The following PITRM1 variants were observed in gnomAD, a reference collection of about 807,000 sequenced individuals.
The protein encoded by PITRM1 is presequence protease, mitochondrial.
A neutral mutation model predicts 129.9 loss-of-function variants in PITRM1; 100 were observed. The ratio of observed to expected loss-of-function variants is 0.77; its 90% CI spans 0.65 to 0.91. The LOEUF is 0.91. Ranked by LOEUF, PITRM1 falls within the 40% of genes least tolerant of loss-of-function variation. The probability of loss-of-function intolerance (pLI) is 0.00; values close to 1 mark genes in which losing one functional copy is unlikely to be tolerated. For synonymous variants in PITRM1, 591 were observed against 508.8 expected (o/e 1.16, Z -2.17); for missense variants, 1,471 against 1,318.3 (o/e 1.12, Z -1.79).
chr10:3,163,942 C>A, intron 6 of PITRM1, 57 bp from the exon 7 acceptor site: 14 of 1,168,342 alleles, frequency 1.2e-5, no homozygotes, highest in Admixed American at 4.8e-5. Flanking sequence ...ACACACGTTA[C>A]ATTACTTACA....
chr10:3,165,723 C>T (rs1842806080), intron 4 of PITRM1, among the ~76,000 whole-genome samples, 196 bp from the exon 5 acceptor site: 1 of 152,208 alleles, frequency 6.6e-6, no homozygotes, highest in Non-Finnish European at 1.5e-5. Context: ...CTTTCCCATC[C>T]CGTCTCAGGA....
chr10:3,139,251 G>C (rs1417938683), intron 24 of PITRM1, among the ~76,000 whole-genome samples: 1 of 151,988 alleles, frequency 6.6e-6, no homozygotes, highest in African/African-American at 2.4e-5. Flanking sequence ...CTTTCAACAT[G>C]TTCTCCCTCT....
At chr10:3,139,570 G>A (rs1839972990) in intron 24 of PITRM1, among the ~76,000 whole-genome samples, 1 of 152,182 alleles carries the variant, frequency 6.6e-6, no homozygotes, top group Admixed American at 6.5e-5. Context: ...CCCCATCCTT[G>A]TCTAGAAGCA....
chr10:3,143,069 G>C (rs1440653753), intron 23 of PITRM1: 2 of 264,040 alleles, frequency 7.6e-6, no homozygotes, highest in East Asian at 1.7e-4. Flanking sequence ...AAATTCATTC[G>C]ATTTTTACCT....
At chr10:3,157,240 C>A in intron 12 of PITRM1, 176 bp from the exon 13 acceptor site, 1 of 703,472 alleles carries the variant, frequency 1.4e-6, no homozygotes, top group East Asian at 3.0e-5. Context: ...TTACTTTAGC[C>A]CTGTTTTGTT....
intron 22 of PITRM1, chr10:3,143,762 T>G: frequency 1.5e-6 from 1 of 680,676 alleles, no homozygotes; most frequent in Non-Finnish European, 2.8e-6. Context: ...CTTGACGTGA[T>G]GCCTTAACGT....
intron 13 of PITRM1, among the ~76,000 whole-genome samples, 182 bp from the exon 14 acceptor site, chr10:3,155,911 A>T (rs1024475052): frequency 6.6e-6 from 1 of 152,206 alleles, no homozygotes; most frequent in African/African-American, 2.4e-5. Flanking sequence ...AAGCCTTATA[A>T]AATGCTTACC....
At position 3,144,317 on chromosome 10, in the gene PITRM1, G is replaced by C; in HGVS notation, c.2507C>G (p.Ser836Cys). 6.4e-7 allele frequency: 1 copy of C among 1,561,806 alleles called. No individual in the cohort carries two copies. The highest frequency in any genetic ancestry group is 1.2e-5 in the South Asian group (1 of 84,732). Residue 836 changes from serine (S) to cysteine (C), a missense_variant, in exon 22 of 27, where the codon TCC becomes TGC. By Grantham distance (112) the Ser-to-Cys change is moderately radical. Coordinates refer to ENST00000224949, the MANE Select transcript of PITRM1 (RefSeq NM_014889.4). ...SGGDAHVPHG[S>C]QVIRKLVMEP... ...CATGACCAGCTTCCTAATGACCTGG[G>C]AGCCATGGGGAACGTGGGCATCTCC...
intron 10 of PITRM1, among the ~76,000 whole-genome samples, chr10:3,158,691 G>T (rs1278113061): frequency 6.6e-6 from 1 of 152,222 alleles, no homozygotes; most frequent in Admixed American, 6.5e-5. Context: ...GGCTGGCACT[G>T]GATCCAGGAT....
intron 15 of PITRM1, 165 bp downstream of exon 15, chr10:3,151,082 A>G: frequency 1.7e-6 from 1 of 602,726 alleles, no homozygotes; most frequent in Non-Finnish European, 3.0e-6. Context: ...CCGAGAGTTA[A>G]GAACAAGGCA....
rs370074561 is a variant in PITRM1, at chr10:3,170,165, G to A, written c.98C>T (p.Ala33Val). 1.2e-6 allele frequency: 2 copies of A among 1,613,852 alleles called. No homozygotes were observed. The highest frequency in any genetic ancestry group is 1.7e-6 in the Non-Finnish European group (2 of 1,179,858). The change falls in exon 2 of 27, where the codon GCT becomes GTT. Residue 33 changes from alanine to valine, a missense_variant. Ala to Val is a moderately conservative substitution (Grantham distance 64). Transcript: ENST00000224949. Reference protein sequence around the residue: ...HRAWRWNSNRACERALQYKLG... With the variant: ...HRAWRWNSNRVCERALQYKLG... ...TTTATACTGCAGAGCCCTCTCACAA[G>A]CCCGGTTACTGTTCCATCGCCACGC...
rs372883237 is a variant in PITRM1, at chr10:3,138,265, C to G, written c.2990G>C (p.Ser997Thr). ...GCTCACGGCCAGGAGCTTGTCGTGGCTGACAGCAAAGAGCTGCTCTCTGTG... is the reference window on the plus strand; with the variant it reads ...GCTCACGGCCAGGAGCTTGTCGTGGGTGACAGCAAAGAGCTGCTCTCTGTG... ...QAHREQLFAV[S>T]HDKLLAVSDR... The change falls in exon 26 of 27, where the codon AGC becomes ACC. Residue 997 changes from serine (S) to threonine (T), a missense_variant. Transcript: ENST00000224949. 2 of 1,613,690 alleles carry G rather than the reference C, an allele frequency of 1.2e-6. No individual in the cohort carries two copies. The highest frequency in any genetic ancestry group is 2.7e-5 in the African/African-American group (2 of 74,940).
In PITRM1 at chr10:3,138,331, T is replaced by C; in HGVS notation, c.2924A>G (p.Asp975Gly). 6.2e-7 allele frequency: 1 copy of C among 1,611,918 alleles called. No individual in the cohort carries two copies. Among genetic ancestry groups the C allele is most frequent in the Non-Finnish European group, 8.5e-7 (1 of 1,178,150 alleles). Residue 975 changes from aspartate (D) to glycine (G), a missense_variant, in exon 26 of 27, where the codon GAC (aspartate) becomes GGC (glycine). Coordinates refer to ENST00000224949, the MANE Select transcript of PITRM1 (RefSeq NM_014889.4). The part of the protein sequence containing the change: ...APVAPSDKGM[D>G]HFLYGLSDEM... ...ATCCGAGAGGCCGTACAAGAAGTGG[T>C]CCATTCCTAGAAGACAATCCACAGG...
intron 7 of PITRM1, among the ~76,000 whole-genome samples, chr10:3,161,676 G>A (rs1461458522): frequency 6.6e-6 from 1 of 152,002 alleles, no homozygotes; most frequent in African/African-American, 2.4e-5. Context: ...GCATTAGGGA[G>A]GTGGGGGTGG....
chr10:3,152,938 G>GA (rs1841647581), intron 14 of PITRM1, among the ~76,000 whole-genome samples: 1 of 152,202 alleles, frequency 6.6e-6, no homozygotes, highest in African/African-American at 2.4e-5. Context: ...CCTGATGGTG[G>GA]AGGCTTTACC....
At position 3,139,014 on chromosome 10, in the gene PITRM1, C is replaced by T; in HGVS notation, c.2807G>A (p.Gly936Glu). The T allele has an allele frequency of 1.9e-6, 3 of 1,613,926 alleles. No individual in the cohort carries two copies. Among genetic ancestry groups the T allele is most frequent in the East Asian group, 2.2e-5 (1 of 44,892 alleles). The change falls in exon 25 of 27, where the codon GGG becomes GAG. Residue 936 changes from glycine (G) to glutamate (E), a missense_variant. Physicochemically the swap from Gly to Glu is moderately conservative, Grantham distance 98. Coordinates refer to ENST00000224949, the MANE Select transcript of PITRM1 (RefSeq NM_014889.4). The part of the protein sequence containing the change: ...PNTIETLQSF[G>E]KAVDWAKSGK... Reference sequence around the variant, plus strand: ...AGACTTAGCCCAGTCGACAGCCTTCCCAAAAGACTGGAGCGTCTCTATTGT... The same window carrying T: ...AGACTTAGCCCAGTCGACAGCCTTCTCAAAAGACTGGAGCGTCTCTATTGT...
At position 3,140,053 on chromosome 10, in the gene PITRM1, A is replaced by C. The variant is rs533725246; in HGVS notation, c.2771+634T>G. On this transcript the variant is annotated intron_variant, in intron 24 of 26. Transcript: ENST00000224949. Reference sequence around the variant, plus strand: ...CCCCACGGCAGGGCTGCAACCTCAGACAGCCACTATGGATACTATGTTTTT... The same window carrying C: ...CCCCACGGCAGGGCTGCAACCTCAGCCAGCCACTATGGATACTATGTTTTT... 6.6e-5 allele frequency among the ~76,000 whole-genome samples: 10 copies of C among 152,352 alleles called. 1 individual carries two copies. The South Asian group carries it at 1.9e-3, about 28-fold the overall frequency.
intron 7 of PITRM1, 38 bp from the exon 8 acceptor site, chr10:3,160,368 T>C (rs758338051): frequency 6.5e-7 from 1 of 1,541,738 alleles, no homozygotes; most frequent in Non-Finnish European, 9.0e-7. Flanking sequence ...CTGTTTTAGT[T>C]TAAAAGATGT....
Position 3,138,062 on chromosome 10 carries a change from A to ATTTTCGGG in PITRM1, c.3075_3082dup (p.Ile1028ThrfsTer49), listed in dbSNP as rs761862753. ...GATGATCCAGGATGGGTCCTTGGCA[A>ATTTTCGGG]TTTTCGGGTTCTCGGGTCCGAGGAT... On this transcript the variant is annotated frameshift_variant, in exon 27 of 27. Coordinates refer to ENST00000224949, the MANE Select transcript of PITRM1 (RefSeq NM_014889.4). LOFTEE classifies it high-confidence loss of function. 1 of 1,609,380 alleles carries ATTTTCGGG rather than the reference A, an allele frequency of 6.2e-7. No homozygotes were observed. Among genetic ancestry groups the ATTTTCGGG allele is most frequent in the Non-Finnish European group, 8.5e-7 (1 of 1,178,198 alleles).
Sources: gnomAD v4.1 joint callset for allele counts (sites outside exome capture counted in the v4.1 genomes callset) on GRCh38, gnomAD v4.1.1 for gene constraint, MANE v1.5 for transcripts, NCBI Gene and HGNC (gene_info 2026-07-23, HGNC 2026-07-21) for gene names.